MYT1L: variants seen among roughly 807,000 people sequenced by gnomAD.
MYT1L encodes myelin transcription factor 1-like protein.
Under a neutral mutation model 126.7 loss-of-function variants are expected in MYT1L, and 12 were observed. That is an observed-to-expected ratio of 0.09 (90% CI 0.06 to 0.15). The LOEUF (loss-of-function observed/expected upper bound fraction) is 0.15, where lower values mean the gene tolerates loss of function less well. Ranked by LOEUF, MYT1L falls within the 10% of genes least tolerant of loss-of-function variation. The pLI, the probability that MYT1L is intolerant of heterozygous loss-of-function variation, is 1.00. For synonymous variants in MYT1L, 541 were observed against 604.2 expected (o/e 0.90, Z 1.53); for missense variants, 979 against 1,585.2 (o/e 0.62, Z 6.49).
At chr2:2,178,015 C>G (rs2091014884) in intron 2 of MYT1L, among the ~76,000 whole-genome samples, 1 of 152,078 alleles carries the variant, frequency 6.6e-6, no homozygotes, top group Admixed American at 6.6e-5. Context: ...TCACTTTTTA[C>G]TGCAAATACT....
At chr2:1,831,538 A>G (rs2040188148) in intron 21 of MYT1L, among the ~76,000 whole-genome samples, 1 of 151,944 alleles carries the variant, frequency 6.6e-6, no homozygotes, top group South Asian at 2.1e-4. Flanking sequence ...TGAACTTTCC[A>G]TCTGACTCTC....
chr2:2,245,217 C>T (rs755150556), intron 2 of MYT1L, among the ~76,000 whole-genome samples: 4 of 152,030 alleles, frequency 2.6e-5, no homozygotes, highest in Admixed American at 6.6e-5. Flanking sequence ...AAGTATGGGT[C>T]GGAATTATGG....
intron 11 of MYT1L, among the ~76,000 whole-genome samples, chr2:1,915,434 C>G (rs1322565429): frequency 1.3e-5 from 2 of 152,152 alleles, no homozygotes; most frequent in African/African-American, 4.8e-5. Context: ...CAGTCCCACT[C>G]CACAGTCCCA....
chr2:1,795,309 A>T (rs2033213989), intron 23 of MYT1L, among the ~76,000 whole-genome samples: 1 of 152,240 alleles, frequency 6.6e-6, no homozygotes, highest in African/African-American at 2.4e-5. Flanking sequence ...CCTCTGACCC[A>T]GCCTTAGGGG....
At chr2:2,002,908 C>T (rs2062543560) in intron 4 of MYT1L, among the ~76,000 whole-genome samples, 1 of 152,056 alleles carries the variant, frequency 6.6e-6, no homozygotes, top group East Asian at 1.9e-4. Context: ...GAAGAAGGTG[C>T]CTTGCTCCTT....
intron 3 of MYT1L, 21 bp downstream of exon 3, chr2:2,172,851 C>G (rs967375560): frequency 2.6e-5 from 4 of 152,496 alleles, no homozygotes; most frequent in Non-Finnish European, 5.9e-5. Flanking sequence ...TCACCAGGAG[C>G]CCCGTGCTGG....
At chr2:1,938,564 C>T (rs1273229447) in intron 9 of MYT1L, among the ~76,000 whole-genome samples, 1 of 151,962 alleles carries the variant, frequency 6.6e-6, no homozygotes, top group Non-Finnish European at 1.5e-5. Context: ...AGGTATTATC[C>T]CCTGTTGTTC....
chr2:1,862,372 C>A (rs1393857568), intron 18 of MYT1L, among the ~76,000 whole-genome samples: 1 of 152,190 alleles, frequency 6.6e-6, no homozygotes. Context: ...ATTACAGGAA[C>A]CATCTCTTAC....
rs1559546366 is a variant in MYT1L, at chr2:2,283,191, CTG to C, written c.-421+1211_-421+1212del. ...TGTTAATTTAAAATCTTTTTGAAGACTGTCAAAGAAATCAGTCTTGAAGAATT... is the reference window on the plus strand; with the variant it reads ...TGTTAATTTAAAATCTTTTTGAAGACTCAAAGAAATCAGTCTTGAAGAATT... On this transcript the variant is annotated intron_variant, in intron 2 of 24. Coordinates refer to ENST00000647738, the MANE Select transcript of MYT1L (RefSeq NM_001303052.2). Among the ~76,000 whole-genome samples the C allele has an allele frequency of 2.6e-5, 4 of 152,334 alleles. No individual in the cohort carries two copies. The East Asian group carries it at 7.7e-4, about 29-fold the overall frequency.
Position 1,889,842 on chromosome 2 carries a change from T to C in MYT1L, c.2284-365A>G, listed in dbSNP as rs1264773906. On this transcript the variant is annotated intron_variant, in intron 15 of 24. Coordinates refer to ENST00000647738, the MANE Select transcript of MYT1L (RefSeq NM_001303052.2). This position sits in a 1 kb window ranked among gnomAD's most constrained non-coding sequence, Gnocchi z 4.1. ...AAGAAAATTACAAAGTGCTTAATTT[T>C]AATTTTATTACCGTTGCAAATACCT... 6.6e-6 allele frequency among the ~76,000 whole-genome samples: 1 copy of C among 152,196 alleles called. No individual in the cohort carries two copies. The highest frequency in any genetic ancestry group is 1.5e-5 in the Non-Finnish European group (1 of 68,038).
chr2:2,314,469 C>T (rs2096029985), intron 1 of MYT1L, among the ~76,000 whole-genome samples: 1 of 152,200 alleles, frequency 6.6e-6, no homozygotes, highest in South Asian at 2.1e-4. Context: ...TTTCAGGGCT[C>T]ATCCCAGATT....
At chr2:1,941,234 C>T (rs775002360) in intron 9 of MYT1L, among the ~76,000 whole-genome samples, 29 of 152,008 alleles carry the variant, frequency 1.9e-4, no homozygotes, top group Non-Finnish European at 4.0e-4. Flanking sequence ...GGTTAAGGCC[C>T]CTGGTGTAAA....
chr2:1,971,667 G>A (rs930337880), intron 8 of MYT1L, among the ~76,000 whole-genome samples: 1 of 152,202 alleles, frequency 6.6e-6, no homozygotes, highest in Admixed American at 6.5e-5. Context: ...GGAGGCGGAA[G>A]TTGCAGTGAG....
intron 5 of MYT1L, among the ~76,000 whole-genome samples, chr2:1,991,253 C>T (rs905945479): frequency 1.4e-4 from 21 of 152,162 alleles, no homozygotes; most frequent in African/African-American, 4.3e-4. Context: ...ATCCCACCTA[C>T]GCTTCCACAT....
intron 2 of MYT1L, among the ~76,000 whole-genome samples, chr2:2,241,497 C>T (rs2094440118): frequency 6.6e-6 from 1 of 152,228 alleles, no homozygotes; most frequent in Admixed American, 6.5e-5. Flanking sequence ...TGCGGCCCTG[C>T]AGAAAACTCA....
intron 2 of MYT1L, among the ~76,000 whole-genome samples, chr2:2,235,890 A>T (rs2094285269): frequency 1.3e-5 from 2 of 152,194 alleles, no homozygotes; most frequent in Non-Finnish European, 2.9e-5. Context: ...GGCTTTTACT[A>T]CTAGTAGGCT....
chr2:2,290,084 T>G (rs900634965), intron 1 of MYT1L, among the ~76,000 whole-genome samples: 3 of 152,206 alleles, frequency 2.0e-5, no homozygotes. Context: ...CGCTGCCACA[T>G]GAGCTCATGA....
At chr2:2,167,842 T>C (rs1469036810) in intron 3 of MYT1L, among the ~76,000 whole-genome samples, 2 of 152,210 alleles carry the variant, frequency 1.3e-5, no homozygotes, top group Non-Finnish European at 2.9e-5. Context: ...CCTTATTAAA[T>C]GGCTCAACAA....
intron 3 of MYT1L, among the ~76,000 whole-genome samples, chr2:2,118,737 A>C: frequency 6.6e-6 from 1 of 152,234 alleles, no homozygotes; most frequent in Admixed American, 6.5e-5. Flanking sequence ...ATTATGACAA[A>C]AGGAATTTTA....
Sources: gnomAD v4.1 joint callset for allele counts (sites outside exome capture counted in the v4.1 genomes callset) on GRCh38, gnomAD v4.1.1 for gene constraint, Gnocchi (gnomAD v3.1) non-coding constraint, MANE v1.5 for transcripts, NCBI Gene and HGNC (gene_info 2026-07-23, HGNC 2026-07-21) for gene names.